Variants in CPE observed in about 807,000 individuals in gnomAD.
The protein encoded by CPE is carboxypeptidase E.
Under a neutral mutation model 53.5 loss-of-function variants are expected in CPE, and 17 were observed. The ratio of observed to expected loss-of-function variants is 0.32; its 90% CI spans 0.22 to 0.48. CPE has a LOEUF of 0.48. Ranked by LOEUF, CPE falls within the 20% of genes least tolerant of loss-of-function variation. The probability of loss-of-function intolerance (pLI) is 0.99; values close to 1 mark genes in which losing one functional copy is unlikely to be tolerated. For missense variants in CPE, 524 were observed against 614.7 expected, an observed-to-expected ratio of 0.85 and a Z score of 1.56; for synonymous variants, 226 against 228.8, an observed-to-expected ratio of 0.99 and a Z score of 0.11.
intron 1 of CPE, among the ~76,000 whole-genome samples, chr4:165,408,070 G>A (rs1730980501): frequency 6.6e-6 from 1 of 152,072 alleles, no homozygotes; most frequent in South Asian, 2.1e-4. Context: ...CCCCTTATCA[G>A]ATATACAATT....
At chr4:165,440,863 C>G (rs1332612563) in intron 1 of CPE, among the ~76,000 whole-genome samples, 2 of 151,310 alleles carry the variant, frequency 1.3e-5, no homozygotes, top group African/African-American at 4.9e-5. Context: ...GGCTGGTGTG[C>G]TCCTTCTTTC....
At chr4:165,495,525 G>A (rs992708480) in intron 7 of CPE, 34 bp from the exon 8 acceptor site, 5 of 1,391,594 alleles carry the variant, frequency 3.6e-6, no homozygotes, top group Non-Finnish European at 4.1e-6. Context: ...CATATTTCAT[G>A]TGCTTTGTGA....
intron 3 of CPE, among the ~76,000 whole-genome samples, chr4:165,475,373 G>A (rs1365716989): frequency 6.6e-6 from 1 of 152,184 alleles, no homozygotes; most frequent in East Asian, 1.9e-4. Context: ...CCAGACAGGG[G>A]ATGAGTTGGA....
intron 1 of CPE, chr4:165,405,270 C>T (rs575525693): frequency 2.1e-6 from 2 of 959,402 alleles, no homozygotes; most frequent in Non-Finnish European, 3.4e-6. Context: ...CCAGGAATAG[C>T]CAGATGCTTA....
intron 1 of CPE, chr4:165,405,412 A>G (rs1579246347): frequency 1.1e-6 from 1 of 936,216 alleles, no homozygotes; most frequent in African/African-American, 1.6e-5. Flanking sequence ...GATAACCAGC[A>G]TCGCTCCCTT....
At chr4:165,420,571 T>C (rs1470476594) in intron 1 of CPE, among the ~76,000 whole-genome samples, 1 of 75,480 alleles carries the variant, frequency 1.3e-5, no homozygotes, top group Non-Finnish European at 3.0e-5. Flanking sequence ...TTTTTTCTGT[T>C]TTTTTTCTGA....
intron 6 of CPE, among the ~76,000 whole-genome samples, chr4:165,490,079 A>G (rs1732574144): frequency 6.6e-6 from 1 of 152,256 alleles, no homozygotes; most frequent in Non-Finnish European, 1.5e-5. Context: ...TGTCTTGACA[A>G]TGGTGGTGAT....
chr4:165,415,882 G>C (rs963822258), intron 1 of CPE, among the ~76,000 whole-genome samples: 5 of 152,138 alleles, frequency 3.3e-5, no homozygotes, highest in African/African-American at 1.2e-4. Context: ...GAGAATGTAA[G>C]TTTTTGTTTT....
intron 1 of CPE, among the ~76,000 whole-genome samples, chr4:165,431,351 GA>G (rs1162479169): frequency 3.3e-5 from 5 of 151,744 alleles, no homozygotes; most frequent in African/African-American, 4.8e-5. Flanking sequence ...TTGATCTTGC[GA>G]AAAAGGCGAA....
intron 6 of CPE, 49 bp from the exon 7 acceptor site, chr4:165,493,122 A>G (rs368423308): frequency 5.7e-6 from 7 of 1,224,146 alleles, no homozygotes; most frequent in Non-Finnish European, 8.4e-6. Flanking sequence ...GGCCATTTCT[A>G]TAAATTTATA....
At chr4:165,401,543 G>C (rs544904326) in intron 1 of CPE, among the ~76,000 whole-genome samples, 1 of 152,142 alleles carries the variant, frequency 6.6e-6, no homozygotes, top group African/African-American at 2.4e-5. Flanking sequence ...ATTTATGTGC[G>C]GGTAAAATGA....
intron 1 of CPE, among the ~76,000 whole-genome samples, chr4:165,409,040 A>G (rs1730995385): frequency 6.6e-6 from 1 of 152,198 alleles, no homozygotes; most frequent in African/African-American, 2.4e-5. Context: ...CTCTTCTTAC[A>G]TTTATTTGGC....
At chr4:165,478,516 G>C (rs1732342243) in intron 3 of CPE, among the ~76,000 whole-genome samples, 1 of 152,076 alleles carries the variant, frequency 6.6e-6, no homozygotes, top group Non-Finnish European at 1.5e-5. Context: ...CTTTCAATTT[G>C]TTTCAAGAAC....
intron 1 of CPE, among the ~76,000 whole-genome samples, chr4:165,395,334 A>G (rs1248608001): frequency 6.6e-6 from 1 of 152,200 alleles, no homozygotes; most frequent in Non-Finnish European, 1.5e-5. Context: ...TCCATTTGAC[A>G]TTTGACCTGT....
intron 1 of CPE, among the ~76,000 whole-genome samples, chr4:165,393,019 AT>A (rs1730710080): frequency 6.6e-6 from 1 of 152,012 alleles, no homozygotes; most frequent in South Asian, 2.1e-4. Flanking sequence ...GGTAGCTATT[AT>A]TGAGCACTCT....
intron 1 of CPE, among the ~76,000 whole-genome samples, chr4:165,442,743 T>A (rs1421341021): frequency 1.3e-5 from 2 of 152,170 alleles, no homozygotes; most frequent in Non-Finnish European, 2.9e-5. Flanking sequence ...AGTAATGGTG[T>A]AGGAACAGGC....
At position 165,445,610 on chromosome 4, in the gene CPE, C is replaced by T. The variant is rs539978351; in HGVS notation, c.308-18780C>T. On this transcript the variant is annotated intron_variant, in intron 1 of 8. Coordinates refer to ENST00000402744, the MANE Select transcript of CPE (RefSeq NM_001873.4). ...AGATTTAACAAAAAAGGTGCAACTCCCACATGAAGAAAGATGTACTTATTG... is the reference window on the plus strand; with the variant it reads ...AGATTTAACAAAAAAGGTGCAACTCTCACATGAAGAAAGATGTACTTATTG... 1.3e-4 allele frequency among the ~76,000 whole-genome samples: 20 copies of T among 152,054 alleles called. No individual in the cohort carries two copies. The East Asian group carries it at 1.9e-3, about 15-fold the overall frequency.
intron 1 of CPE, among the ~76,000 whole-genome samples, chr4:165,444,989 C>T (rs1021810774): frequency 6.6e-6 from 1 of 151,918 alleles, no homozygotes; most frequent in Non-Finnish European, 1.5e-5. Flanking sequence ...TGGAGTCTTG[C>T]TCTGTCACCT....
In CPE at chr4:165,493,219, A is replaced by G; in HGVS notation, c.1162A>G (p.Ile388Val). The G allele has an allele frequency of 6.2e-7, 1 of 1,614,152 alleles. No individual in the cohort carries two copies. The highest frequency in any genetic ancestry group is 1.7e-5 in the Admixed American group (1 of 60,012). Residue 388 changes from isoleucine (I) to valine (V), a missense_variant, in exon 7 of 9, where the codon ATT becomes GTT. Ile to Val is a conservative substitution (Grantham distance 29, BLOSUM62 3). Coordinates refer to ENST00000402744, the MANE Select transcript of CPE (RefSeq NM_001873.4). ...TGTCCGAGACCTTCAAGGTAACCCA[A>G]TTGCGAATGCCACCATCTCCGTGGA... ...GFVRDLQGNP[I>V]ANATISVEGI...
Sources: gnomAD v4.1 joint callset for allele counts (sites outside exome capture counted in the v4.1 genomes callset) on GRCh38, gnomAD v4.1.1 for gene constraint, MANE v1.5 for transcripts, NCBI Gene and HGNC (gene_info 2026-07-23, HGNC 2026-07-21) for gene names.